The following PRKCE variants were observed in gnomAD, a reference collection of about 807,000 sequenced individuals.
PRKCE encodes protein kinase C epsilon type.
PRKCE carries 16 observed loss-of-function variants against 85.4 expected under a neutral mutation model. That is an observed-to-expected ratio of 0.19 (90% CI 0.13 to 0.28). PRKCE has a LOEUF of 0.28. Among genes scored for constraint, PRKCE ranks in the 10% least tolerant of loss-of-function variants. The pLI is 1.00. For missense variants in PRKCE, 573 were observed against 975.2 expected, an observed-to-expected ratio of 0.59 and a Z score of 5.49; for synonymous variants, 388 against 371.5, an observed-to-expected ratio of 1.04 and a Z score of -0.51.
chr2:45,774,575 G>T lies in PRKCE; in HGVS notation c.349-68425G>T, dbSNP rs189744251. Reference sequence around the variant, plus strand: ...AAAGCTGAATGCCAGGAATCGGGTGGCTTTTGGTGTGACTGTACAGAGCAG... The same window carrying T: ...AAAGCTGAATGCCAGGAATCGGGTGTCTTTTGGTGTGACTGTACAGAGCAG... On this transcript the variant is annotated intron_variant, in intron 1 of 14. Coordinates refer to ENST00000306156, the MANE Select transcript of PRKCE (RefSeq NM_005400.3). This position sits in a 1 kb window ranked among gnomAD's most constrained non-coding sequence, Gnocchi z 4.3. Among the ~76,000 whole-genome samples the T allele has an allele frequency of 6.6e-6, 1 of 152,266 alleles. No individual in the cohort carries two copies. Among genetic ancestry groups the T allele is most frequent in the African/African-American group, 2.4e-5 (1 of 41,560 alleles).
At chr2:45,768,322 A>C (rs1374805538) in intron 1 of PRKCE, among the ~76,000 whole-genome samples, 7 of 152,240 alleles carry the variant, frequency 4.6e-5, no homozygotes, top group African/African-American at 1.7e-4. Flanking sequence ...AATTATCTAC[A>C]GAGACATCTG....
At chr2:45,666,027 C>T (rs1035837994) in intron 1 of PRKCE, among the ~76,000 whole-genome samples, 20 of 152,092 alleles carry the variant, frequency 1.3e-4, no homozygotes, top group Non-Finnish European at 2.2e-4. Flanking sequence ...CCTACCTTAA[C>T]GTTTGAAGTT....
chr2:45,975,126 C>A (rs1702359745), intron 2 of PRKCE, among the ~76,000 whole-genome samples: 1 of 152,184 alleles, frequency 6.6e-6, no homozygotes, highest in Admixed American at 6.5e-5. Context: ...GAGTAGGTTA[C>A]TTAAACTCTA....
intron 6 of PRKCE, among the ~76,000 whole-genome samples, chr2:46,000,062 A>T (rs866478800): frequency 6.6e-6 from 1 of 152,096 alleles, no homozygotes; most frequent in African/African-American, 2.4e-5. Flanking sequence ...TTAAATTCCC[A>T]GTCAGATAAT....
chr2:46,033,715 T>G (rs1029765220), intron 10 of PRKCE, among the ~76,000 whole-genome samples: 1 of 152,122 alleles, frequency 6.6e-6, no homozygotes, highest in East Asian at 1.9e-4. Flanking sequence ...TCCTCAAAAG[T>G]GTACGTATGA....
intron 1 of PRKCE, among the ~76,000 whole-genome samples, chr2:45,729,416 C>T (rs1468887443): frequency 1.3e-5 from 2 of 152,198 alleles, no homozygotes; most frequent in Non-Finnish European, 2.9e-5. Context: ...GCTTATGAGA[C>T]AGCCAGTGTA....
At position 45,678,729 on chromosome 2, in the gene PRKCE, T is replaced by A. The variant is rs190139357; in HGVS notation, c.348+26281T>A. ...CATTTCTCTGAGCTTTAGCTCAGCC[T>A]CGATGGACTCTGATTTCATAAATAC... is the stretch of plus-strand genomic sequence containing the variant. On this transcript the variant is annotated intron_variant, in intron 1 of 14. Transcript: ENST00000306156. 5.9e-5 allele frequency among the ~76,000 whole-genome samples: 9 copies of A among 152,320 alleles called. No homozygotes were observed. In the East Asian group the frequency reaches 1.7e-3, roughly 29 times the overall value.
chr2:45,792,720 T>C (rs1687128328), intron 1 of PRKCE, among the ~76,000 whole-genome samples: 1 of 152,228 alleles, frequency 6.6e-6, no homozygotes, highest in South Asian at 2.1e-4. Flanking sequence ...GGACTGGTTG[T>C]AGGATTAAAT....
At chr2:45,978,330 C>T (rs1054508824) in intron 3 of PRKCE, 3 of 152,260 alleles carry the variant, frequency 2.0e-5, no homozygotes, top group Admixed American at 1.3e-4. Context: ...GCTCCCTGAC[C>T]ATCTGTAGTT....
chr2:45,878,821 T>C (rs1370929527), intron 2 of PRKCE, among the ~76,000 whole-genome samples: 1 of 152,218 alleles, frequency 6.6e-6, no homozygotes, highest in Non-Finnish European at 1.5e-5. Context: ...TTCTGTCTGT[T>C]TCATTAGTGT....
At chr2:45,672,720 A>AGGAT (rs1215055030) in intron 1 of PRKCE, among the ~76,000 whole-genome samples, 2 of 152,200 alleles carry the variant, frequency 1.3e-5, no homozygotes, top group African/African-American at 4.8e-5. Context: ...ACATGTCAAG[A>AGGAT]GGATGGTAAA....
At chr2:45,799,490 C>G (rs1279477596) in intron 1 of PRKCE, among the ~76,000 whole-genome samples, 1 of 152,118 alleles carries the variant, frequency 6.6e-6, no homozygotes, top group Non-Finnish European at 1.5e-5. Flanking sequence ...GAGTTGGAGG[C>G]TGTTGTGCAC....
chr2:45,708,136 T>G (rs903152092), intron 1 of PRKCE, among the ~76,000 whole-genome samples: 1 of 152,198 alleles, frequency 6.6e-6, no homozygotes, highest in Admixed American at 6.5e-5. Context: ...CATCATAGGT[T>G]GGACTCGAGA....
chr2:46,014,705 A>G (rs1705977569), intron 10 of PRKCE, among the ~76,000 whole-genome samples: 1 of 152,228 alleles, frequency 6.6e-6, no homozygotes, highest in Non-Finnish European at 1.5e-5. Flanking sequence ...GCTAAAAGAT[A>G]CCAACTCTGA....
At position 46,184,290 on chromosome 2, in the gene PRKCE, C is replaced by T. The variant is rs1472726988; in HGVS notation, c.2068-445C>T. On this transcript the variant is annotated intron_variant, in intron 14 of 14. Transcript: ENST00000306156. This position sits in a 1 kb window ranked among gnomAD's most constrained non-coding sequence, Gnocchi z 5.0. ...AGGATGTCACCTGGAGCAGATGTGG[C>T]CGGGTTATGGGGAAGAAGGACCTCT... Among the ~76,000 whole-genome samples, 1 of 151,956 alleles carries T rather than the reference C, an allele frequency of 6.6e-6. No individual in the cohort carries two copies. The highest frequency in any genetic ancestry group is 1.5e-5 in the Non-Finnish European group (1 of 67,994).
intron 1 of PRKCE, among the ~76,000 whole-genome samples, chr2:45,701,016 T>G (rs1678597404): frequency 6.6e-6 from 1 of 152,194 alleles, no homozygotes. Flanking sequence ...CTTCTGACCT[T>G]AACAACTTGG....
At chr2:45,814,620 A>T (rs1359318045) in intron 1 of PRKCE, among the ~76,000 whole-genome samples, 1 of 152,226 alleles carries the variant, frequency 6.6e-6, no homozygotes, top group Non-Finnish European at 1.5e-5. Context: ...ACCGATCTGG[A>T]AGAAAACGAG....
At chr2:46,183,689 C>T (rs1276794607) in intron 14 of PRKCE, among the ~76,000 whole-genome samples, 3 of 152,204 alleles carry the variant, frequency 2.0e-5, no homozygotes, top group African/African-American at 7.2e-5. Flanking sequence ...TCTTCCTGTT[C>T]CCTGCCTTTG....
intron 1 of PRKCE, among the ~76,000 whole-genome samples, chr2:45,748,590 A>G (rs1006076488): frequency 2.2e-4 from 33 of 152,088 alleles, no homozygotes; most frequent in African/African-American, 7.2e-4. Flanking sequence ...CCAGCCTTCA[A>G]TGGGAGGGCA....
Sources: gnomAD v4.1 joint callset for allele counts (sites outside exome capture counted in the v4.1 genomes callset) on GRCh38, gnomAD v4.1.1 for gene constraint, Gnocchi (gnomAD v3.1) non-coding constraint, MANE v1.5 for transcripts, NCBI Gene and HGNC (gene_info 2026-07-23, HGNC 2026-07-21) for gene names.